CCHCR1: variants seen among roughly 807,000 people sequenced by gnomAD.
The protein encoded by CCHCR1 is HCR (a-helix coiled-coil rod homologue).
In CCHCR1, 91 loss-of-function variants were observed where a neutral mutation model predicts 114.6. The ratio of observed to expected loss-of-function variants is 0.79; its 90% CI spans 0.67 to 0.94. The LOEUF (loss-of-function observed/expected upper bound fraction) is 0.94, where lower values mean the gene tolerates loss of function less well. CCHCR1 is among the 40% of genes least tolerant of loss of function. The pLI, the probability that CCHCR1 is intolerant of heterozygous loss-of-function variation, is 0.00. For missense variants in CCHCR1, 899 were observed against 1,079.9 expected (o/e 0.83, Z 2.35); for synonymous variants, 379 against 428.5 (o/e 0.88, Z 1.43).
Position 31,142,579 on chromosome 6 carries a change from A to G in CCHCR1, c.*13T>C, listed in dbSNP as rs769496876. Reference sequence around the variant, plus strand: ...CAGCCCCCAGGCTGGCTTTCCCTCCAACTGTCAGCTGCTTAGCTGCTCATC... The same window carrying G: ...CAGCCCCCAGGCTGGCTTTCCCTCCGACTGTCAGCTGCTTAGCTGCTCATC... On this transcript the variant is annotated 3_prime_UTR_variant, in exon 18 of 18. Transcript: ENST00000396268. 1 of 1,606,996 alleles carries G rather than the reference A, an allele frequency of 6.2e-7. No homozygotes were observed. Among genetic ancestry groups the G allele is most frequent in the East Asian group, 2.2e-5 (1 of 44,736 alleles).
Position 31,157,486 on chromosome 6 carries a change from A to G in CCHCR1, c.115T>C (p.Trp39Arg), listed in dbSNP as rs776212788. The G allele has an allele frequency of 4.3e-6, 7 of 1,612,938 alleles. No homozygotes were observed. The Admixed American group carries it at 6.7e-5, about 15-fold the overall frequency. ...GAGCGCCATCTCCAGAGTTCTCTCCATGGCTCAGCAAGGCCTGAGGGAAGC... is the reference window on the plus strand; with the variant it reads ...GAGCGCCATCTCCAGAGTTCTCTCCGTGGCTCAGCAAGGCCTGAGGGAAGC... ...DGLPSGLAEP[W>R]RELWRWRSRP... The change falls in exon 1 of 18, where the codon TGG (tryptophan) becomes CGG (arginine). Residue 39 changes from tryptophan to arginine, a missense_variant. Coordinates refer to ENST00000396268, the MANE Select transcript of CCHCR1 (RefSeq NM_001105564.2).
At chr6:31,147,172 G>A (rs1409194929) in intron 10 of CCHCR1, among the ~76,000 whole-genome samples, 1 of 151,986 alleles carries the variant, frequency 6.6e-6, no homozygotes, top group Non-Finnish European at 1.5e-5. Flanking sequence ...AGGCCGAGGC[G>A]GGCGGATCAC....
At position 31,152,325 on chromosome 6, in the gene CCHCR1, G is replaced by GA. The variant is rs541820025; in HGVS notation, c.802-1204dup. 3.4e-3 allele frequency among the ~76,000 whole-genome samples: 505 copies of GA among 149,576 alleles called. 5 individuals are homozygous for GA. The highest frequency in any genetic ancestry group is 0.028 in the Middle Eastern group (8 of 290). On this transcript the variant is annotated intron_variant, in intron 4 of 17. Coordinates refer to ENST00000396268, the MANE Select transcript of CCHCR1 (RefSeq NM_001105564.2). ...ACCTTTCAACGGTTGCTTATTACTT[G>GA]AAAAAACAATTTTTTTTTGTTTGTT...
Position 31,142,984 on chromosome 6 carries a change from G to A in CCHCR1, c.2470C>T (p.Pro824Ser). The stretch of plus-strand genomic sequence containing the variant: ...AGACCTTTTATGGACTCCCTGGTGG[G>A]CACTGCTGCTGCTACAGGTGCAGAT... ...SASAPVAAAV[P>S]TRESIKGSLS... Residue 824 changes from proline (P) to serine (S), a missense_variant, in exon 17 of 18, where the codon CCC (proline) becomes TCC (serine). By Grantham distance (74) the Pro-to-Ser change is moderately conservative. Coordinates refer to ENST00000396268, the MANE Select transcript of CCHCR1 (RefSeq NM_001105564.2). The A allele has an allele frequency of 6.2e-7, 1 of 1,612,912 alleles. No homozygotes were observed. The highest frequency in any genetic ancestry group is 8.5e-7 in the Non-Finnish European group (1 of 1,180,000).
At position 31,145,020 on chromosome 6, in the gene CCHCR1, G is replaced by A. The variant is rs758346684; in HGVS notation, c.1930C>T (p.Leu644=). 1.9e-6 allele frequency: 3 copies of A among 1,605,362 alleles called. No homozygotes were observed. Among genetic ancestry groups the A allele is most frequent in the Admixed American group, 1.7e-5 (1 of 59,960 alleles). ...SKVAQQLEQE[L]QQTQESLASL... ...GCCAGGGACTCCTGGGTCTGCTGCA[G>A]CTCCTGCTCCAGCTGCTGGGCCACC... The change falls in exon 14 of 18, where the codon CTG becomes TTG. Residue 644 remains leucine, a synonymous_variant. Transcript: ENST00000396268.
intron 10 of CCHCR1, among the ~76,000 whole-genome samples, chr6:31,147,125 G>A (rs1214372879): frequency 2.6e-5 from 4 of 152,064 alleles, no homozygotes; most frequent in Non-Finnish European, 5.9e-5. Flanking sequence ...TGCCGGCCAG[G>A]CACGGTGGCT....
intron 3 of CCHCR1, 168 bp downstream of exon 3, chr6:31,156,563 C>A: frequency 3.4e-6 from 2 of 593,002 alleles, no homozygotes; most frequent in Non-Finnish European, 5.8e-6. Flanking sequence ...ATCCTCATCC[C>A]TAGCACTTAG....
At chr6:31,146,616 A>G (rs1032947609) in intron 10 of CCHCR1, among the ~76,000 whole-genome samples, 2 of 152,220 alleles carry the variant, frequency 1.3e-5, no homozygotes, top group African/African-American at 4.8e-5. Flanking sequence ...CAGCACAGCA[A>G]AGTTCACTTT....
chr6:31,149,810 G>T, intron 8 of CCHCR1: 1 of 483,766 alleles, frequency 2.1e-6, no homozygotes, highest in East Asian at 3.5e-5. Flanking sequence ...CAAGACCAAA[G>T]TGATCGCATT....
chr6:31,148,602 G>A lies in CCHCR1; in HGVS notation c.1473+16C>T, dbSNP rs1420281280. The A allele has an allele frequency of 6.2e-7, 1 of 1,605,138 alleles. No homozygotes were observed. The highest frequency in any genetic ancestry group is 1.7e-5 in the Admixed American group (1 of 60,008). ...CTCCCTTGCCCTCCCCGAGTCTCTA[G>A]TAGGCTGACACCAACCTTGGCACCC... On this transcript the variant is annotated intron_variant, in intron 9 of 17. Transcript: ENST00000396268.
rs746504284 is a variant in CCHCR1, at chr6:31,148,611, C to T, written c.1473+7G>A. ...CCTCCCCGAGTCTCTAGTAGGCTGA[C>T]ACCAACCTTGGCACCCATACGCTCC... On this transcript the variant is annotated splice_region_variant and intron_variant, in intron 9 of 17. Coordinates refer to ENST00000396268, the MANE Select transcript of CCHCR1 (RefSeq NM_001105564.2). 1.9e-6 allele frequency: 3 copies of T among 1,609,162 alleles called. No homozygotes were observed. Among genetic ancestry groups the T allele is most frequent in the Non-Finnish European group, 2.5e-6 (3 of 1,176,484 alleles).
chr6:31,148,462 T>G lies in CCHCR1; in HGVS notation c.1523A>C (p.Gln508Pro). Residue 508 changes from glutamine to proline, a missense_variant, in exon 10 of 18, where the codon CAG becomes CCG. Coordinates refer to ENST00000396268, the MANE Select transcript of CCHCR1 (RefSeq NM_001105564.2). The stretch of plus-strand genomic sequence containing the variant: ...CTCCTCGGCTGAGGCTGTCTGCTGC[T>G]GCCACCGACGCCTGGCCTCCTGAGC... ...SRAQEARRRWQQQTASAEEQL... is the reference protein window; with the variant it reads ...SRAQEARRRWPQQTASAEEQL... The G allele has an allele frequency of 6.2e-7, 1 of 1,612,914 alleles. No homozygotes were observed. The highest frequency in any genetic ancestry group is 8.5e-7 in the Non-Finnish European group (1 of 1,179,912).
rs752357041 is a variant in CCHCR1 at position 31,143,282 on chromosome 6, T to C, written c.2299A>G (p.Arg767Gly). 2.5e-6 allele frequency: 4 copies of C among 1,612,604 alleles called. No individual in the cohort carries two copies. The highest frequency in any genetic ancestry group is 3.3e-5 in the Admixed American group (2 of 59,994). ...RLARRLQELE[R>G]DKNLMLATLQ... Reference sequence around the variant, plus strand: ...CCTACCAGCATGAGGTTCTTATCCCTCTCTAGCTCCTGCAAGCGCCGGGCC... The same window carrying C: ...CCTACCAGCATGAGGTTCTTATCCCCCTCTAGCTCCTGCAAGCGCCGGGCC... Residue 767 changes from arginine to glycine, a missense_variant, in exon 16 of 18, where the codon AGG (arginine) becomes GGG (glycine). Arg to Gly is a moderately radical substitution (Grantham distance 125). Transcript: ENST00000396268. This position sits in a 1 kb window ranked among gnomAD's most constrained non-coding sequence, Gnocchi z 5.3.
At position 31,154,417 on chromosome 6, in the gene CCHCR1, T is replaced by C; in HGVS notation, c.801+79A>G. ...CTCACTACTCATGGAGGGTCTTTTC[T>C]GCAATACCTGTTCTTTGCTTGGAAG... On this transcript the variant is annotated intron_variant, in intron 4 of 17. Coordinates refer to ENST00000396268, the MANE Select transcript of CCHCR1 (RefSeq NM_001105564.2). This position sits in a 1 kb window ranked among gnomAD's most constrained non-coding sequence, Gnocchi z 4.1. The C allele has an allele frequency of 1.7e-6, 2 of 1,157,154 alleles. No homozygotes were observed. Among genetic ancestry groups the C allele is most frequent in the Non-Finnish European group, 2.5e-6 (2 of 791,046 alleles). The allele number at this position is 1,157,154 out of a possible 1,614,324, so 71.7% of individuals were successfully genotyped here.
At chr6:31,148,570 A>G (rs749265257) in intron 9 of CCHCR1, 48 bp downstream of exon 9, 5 of 1,583,802 alleles carry the variant, frequency 3.2e-6, no homozygotes, top group Non-Finnish European at 4.3e-6. Context: ...CAGCCCCGGA[A>G]CAGGGGCTCC....
chr6:31,157,891 C>T (rs1776325942), upstream of CCHCR1: 1 of 491,050 alleles, frequency 2.0e-6, no homozygotes, highest in South Asian at 2.4e-5. Context: ...CTACCTTTTT[C>T]TGAAGGAATT....
In CCHCR1 at chr6:31,156,927, G is replaced by T. The variant is rs781334291; in HGVS notation, c.301C>A (p.Pro101Thr). 1.2e-6 allele frequency: 2 copies of T among 1,612,782 alleles called. No individual in the cohort carries two copies. Among genetic ancestry groups the T allele is most frequent in the South Asian group, 1.1e-5 (1 of 91,078 alleles). Residue 101 changes from proline (P) to threonine (T), a missense_variant, in exon 3 of 18, where the codon CCC (proline) becomes ACC (threonine). Coordinates refer to ENST00000396268, the MANE Select transcript of CCHCR1 (RefSeq NM_001105564.2). Reference protein sequence around the residue: ...FPPSGSTGLIPPSHFQARPLS... With the variant: ...FPPSGSTGLITPSHFQARPLS... ...GGCCGAGCTTGAAAGTGGGAGGGGG[G>T]AATCAGCCCAGTGGAACCTGAAGAA...
In CCHCR1 at chr6:31,142,518, G is replaced by A; in HGVS notation, c.*74C>T. 1 of 1,463,610 alleles carries A rather than the reference G, an allele frequency of 6.8e-7. No homozygotes were observed. Among genetic ancestry groups the A allele is most frequent in the Non-Finnish European group, 9.4e-7 (1 of 1,066,292 alleles). The allele number at this position is 1,463,610 out of a possible 1,614,324, so 90.7% of individuals were successfully genotyped here. A position where few individuals can be genotyped will look rare whatever the true frequency, so the allele number is the denominator to read the frequency against. The stretch of plus-strand genomic sequence containing the variant: ...CAGGGCAACCCCAGGATGGGGAAGG[G>A]CTGGTCTGTCCCCACCCACTTCTCC... On this transcript the variant is annotated 3_prime_UTR_variant, in exon 18 of 18. Transcript: ENST00000396268.
In CCHCR1 at chr6:31,151,603, G is replaced by A. The variant is rs1265111; in HGVS notation, c.802-481C>T. Among the ~76,000 whole-genome samples the A allele has an allele frequency of 0.28, 42,695 of 152,020 alleles. 6,188 individuals are homozygous for A. Among genetic ancestry groups the A allele is most frequent in the Middle Eastern group, 0.41 (120 of 294 alleles). Reference sequence around the variant, plus strand: ...CCTCCTTGCTCCACAGACCCCAGGCGATAGCCCCTCCTCAGGGTGGCTTCA... The same window carrying A: ...CCTCCTTGCTCCACAGACCCCAGGCAATAGCCCCTCCTCAGGGTGGCTTCA... On this transcript the variant is annotated intron_variant, in intron 4 of 17. Transcript: ENST00000396268. The surrounding 1 kb of genome is among the most constrained non-coding windows in gnomAD (Gnocchi z 4.1).
Sources: gnomAD v4.1 joint callset for allele counts (sites outside exome capture counted in the v4.1 genomes callset) on GRCh38, gnomAD v4.1.1 for gene constraint, Gnocchi (gnomAD v3.1) non-coding constraint, MANE v1.5 for transcripts, NCBI Gene and HGNC (gene_info 2026-07-23, HGNC 2026-07-21) for gene names.